LMOD1: variants seen among roughly 807,000 people sequenced by gnomAD.
LMOD1 encodes leiomodin 1, also known as leiomodin-1.
In LMOD1, 8 loss-of-function variants were observed where a neutral mutation model predicts 36.5. The ratio of observed to expected loss-of-function variants is 0.22; its 90% CI spans 0.13 to 0.40. The LOEUF (loss-of-function observed/expected upper bound fraction) is 0.40. LMOD1 is among the 10% of genes least tolerant of loss of function. The pLI, the probability that LMOD1 is intolerant of heterozygous loss-of-function variation, is 1.00. For synonymous variants in LMOD1, 284 were observed against 288.7 expected, an observed-to-expected ratio of 0.98 and a Z score of 0.17; for missense variants, 630 against 751.1, an observed-to-expected ratio of 0.84 and a Z score of 1.88.
intron 1 of LMOD1, among the ~76,000 whole-genome samples, chr1:201,901,232 C>T (rs892335407): frequency 3.3e-5 from 5 of 151,938 alleles, no homozygotes; most frequent in African/African-American, 4.8e-5. Flanking sequence ...AGTCCGGGCG[C>T]GGTGGCTCAT....
intron 1 of LMOD1, among the ~76,000 whole-genome samples, chr1:201,913,550 T>C (rs1274582822): frequency 6.6e-6 from 1 of 152,146 alleles, no homozygotes; most frequent in Non-Finnish European, 1.5e-5. Context: ...GAGGTTGCAG[T>C]GAGCTGAGAT....
At chr1:201,901,551 T>TATATGTATATATATATATATATAC (rs1558234661) in intron 1 of LMOD1, among the ~76,000 whole-genome samples, 12 of 44,656 alleles carry the variant, frequency 2.7e-4, no homozygotes, top group Non-Finnish European at 4.2e-4. Flanking sequence ...TATATATATA[T>TATATGTATATATATATATATATAC]ACATATATAT....
At chr1:201,933,124 A>G (rs1408251212) in intron 1 of LMOD1, among the ~76,000 whole-genome samples, 1 of 152,160 alleles carries the variant, frequency 6.6e-6, no homozygotes, top group Non-Finnish European at 1.5e-5. Context: ...GAAGGTTTAA[A>G]AATGCTACAG....
chr1:201,906,205 C>T (rs573370819), intron 1 of LMOD1, among the ~76,000 whole-genome samples: 2 of 152,294 alleles, frequency 1.3e-5, no homozygotes, highest in South Asian at 2.1e-4. Flanking sequence ...TTTACCTTGG[C>T]CTAGGCTGTG....
intron 1 of LMOD1, among the ~76,000 whole-genome samples, chr1:201,940,615 T>C (rs1682097910): frequency 1.4e-5 from 2 of 145,098 alleles, no homozygotes; most frequent in Non-Finnish European, 3.1e-5. Context: ...AGATGGAGTC[T>C]TGCTCTGTCA....
chr1:201,910,299 G>T (rs1332865208), intron 1 of LMOD1, among the ~76,000 whole-genome samples: 4 of 148,982 alleles, frequency 2.7e-5, no homozygotes, highest in African/African-American at 9.9e-5. Context: ...TTTGAGACAG[G>T]GTTTCACCCT....
chr1:201,908,986 A>T (rs1681451650), intron 1 of LMOD1, among the ~76,000 whole-genome samples: 1 of 152,244 alleles, frequency 6.6e-6, no homozygotes, highest in Admixed American at 6.5e-5. Flanking sequence ...CATTCCGCAG[A>T]AGAATGCTGG....
intron 1 of LMOD1, among the ~76,000 whole-genome samples, chr1:201,916,768 G>A (rs192999902): frequency 4.2e-4 from 64 of 152,214 alleles, no homozygotes; most frequent in Admixed American, 1.0e-3. Flanking sequence ...CCTGACCTTC[G>A]CCTGGCTCTG....
chr1:201,931,683 C>T (rs1055859911), intron 1 of LMOD1, among the ~76,000 whole-genome samples: 2 of 151,964 alleles, frequency 1.3e-5, no homozygotes, highest in African/African-American at 4.8e-5. Flanking sequence ...AGTGTCTCCA[C>T]GAAATATGAG....
In LMOD1 at chr1:201,915,716, A is replaced by G. The variant is rs182761046; in HGVS notation, c.262-14965T>C. ...ACTCCCTCGTTACCTGCACACAGAT[A>G]CTACAGCCTGAACCCCACTCAGATC... On this transcript the variant is annotated intron_variant, in intron 1 of 2. Coordinates refer to ENST00000367288, the MANE Select transcript of LMOD1 (RefSeq NM_012134.3). Among the ~76,000 whole-genome samples the G allele has an allele frequency of 1.3e-3, 202 of 152,236 alleles. 2 individuals carry two copies. The highest frequency in any genetic ancestry group is 0.011 in the Admixed American group (167 of 15,298).
chr1:201,942,311 G>T (rs2102933109), intron 1 of LMOD1, among the ~76,000 whole-genome samples: 1 of 152,308 alleles, frequency 6.6e-6, no homozygotes, highest in East Asian at 1.9e-4. Flanking sequence ...CAAAAGTCAT[G>T]TCCCAAGGGC....
At position 201,900,056 on chromosome 1, in the gene LMOD1, A is replaced by G. The variant is rs371011238; in HGVS notation, c.957T>C (p.Asp319=). ...VEEEAAPSIF[D]EPLERVKNND... ...TGTTCTTCACTCTCTCCAGAGGCTC[A>G]TCAAATATGCTGGGAGCTGCCTCCT... The change falls in exon 2 of 3, where the codon GAT becomes GAC. Residue 319 remains aspartate (D), a synonymous_variant. Coordinates refer to ENST00000367288, the MANE Select transcript of LMOD1 (RefSeq NM_012134.3). 5.2e-4 allele frequency: 832 copies of G among 1,613,674 alleles called. No individual in the cohort carries two copies. Among genetic ancestry groups the G allele is most frequent in the Non-Finnish European group, 6.6e-4 (777 of 1,179,874 alleles).
At chr1:201,906,351 C>A (rs546277636) in intron 1 of LMOD1, among the ~76,000 whole-genome samples, 2 of 152,212 alleles carry the variant, frequency 1.3e-5, no homozygotes, top group African/African-American at 4.8e-5. Flanking sequence ...TCAGTCCCCC[C>A]ACCCGCCTCC....
At chr1:201,923,960 A>AAAAGAAAAAGGAAAGAAAAG (rs1681754029) in intron 1 of LMOD1, among the ~76,000 whole-genome samples, 1 of 149,060 alleles carries the variant, frequency 6.7e-6, no homozygotes, top group Non-Finnish European at 1.5e-5. Context: ...AAAGGAAAGA[A>AAAAGAAAAAGGAAAGAAAAG]AAAGAAAAAG....
At position 201,899,591 on chromosome 1, in the gene LMOD1, C is replaced by T. The variant is rs1681258378; in HGVS notation, c.1422G>A (p.Gln474=). Residue 474 remains glutamine, a synonymous_variant, in exon 2 of 3, where the codon CAG becomes CAA. Transcript: ENST00000367288. The surrounding 1 kb of genome is among the most constrained non-coding windows in gnomAD (Gnocchi z 6.3). ...TNLLSRNMDK[Q]RQKRLQEQRQ... is the part of the protein sequence containing the mutation. ...TTTGCTCCTGCAGCCGCTTTTGTCT[C>T]TGCTTGTCCATGTTGCGGCTGAGCA... is the stretch of plus-strand genomic sequence containing the variant. 1.9e-6 allele frequency: 3 copies of T among 1,612,850 alleles called. No homozygotes were observed. The highest frequency in any genetic ancestry group is 2.7e-5 in the African/African-American group (2 of 74,922).
intron 1 of LMOD1, among the ~76,000 whole-genome samples, chr1:201,922,083 A>G (rs529412540): frequency 6.6e-6 from 1 of 152,366 alleles, no homozygotes; most frequent in African/African-American, 2.4e-5. Context: ...TCAAAAAGAC[A>G]GACAATAATA....
chr1:201,923,954 GAAAGAA>G lies in LMOD1; in HGVS notation c.261+22120_261+22125del, dbSNP rs573895767. Among the ~76,000 whole-genome samples, 1,043 of 141,108 alleles carry G rather than the reference GAAAGAA, an allele frequency of 7.4e-3. 11 individuals carry two copies. Among genetic ancestry groups the G allele is most frequent in the African/African-American group, 0.026 (975 of 38,188 alleles). The allele number at this position is 141,108 out of a possible 152,430, so 92.6% of individuals were successfully genotyped here. On this transcript the variant is annotated intron_variant, in intron 1 of 2. Transcript: ENST00000367288. ...GAGAAAGAAAGAAAAGGAAAGAAAGGAAAGAAAAAGAAAAAGGAAAGAAAAGAAAGA... is the reference window on the plus strand; with the variant it reads ...GAGAAAGAAAGAAAAGGAAAGAAAGGAAAGAAAAAGGAAAGAAAAGAAAGA...
chr1:201,930,281 G>A (rs1034414821), intron 1 of LMOD1, among the ~76,000 whole-genome samples: 1 of 152,180 alleles, frequency 6.6e-6, no homozygotes, highest in African/African-American at 2.4e-5. Flanking sequence ...CCAATGGCAC[G>A]AGAAGAGAGG....
At chr1:201,941,969 C>T (rs948257727) in intron 1 of LMOD1, among the ~76,000 whole-genome samples, 2 of 152,208 alleles carry the variant, frequency 1.3e-5, no homozygotes, top group Non-Finnish European at 2.9e-5. Flanking sequence ...GGTTGGGATC[C>T]GGTTCCTGAA....
Sources: allele counts gnomAD v4.1 joint callset (sites outside exome capture counted in the v4.1 genomes callset), GRCh38; gene constraint gnomAD v4.1.1; non-coding constraint Gnocchi (gnomAD v3.1); transcripts MANE v1.5; gene names NCBI Gene and HGNC (gene_info 2026-07-23, HGNC 2026-07-21).